ZNF8: variants seen among roughly 807,000 people sequenced by gnomAD.
The protein encoded by ZNF8 is zinc finger protein 272.
ZNF8 carries 9 observed loss-of-function variants against 12.2 expected under a neutral mutation model. That is an observed-to-expected ratio of 0.73 (90% CI 0.44 to 1.28). The LOEUF (loss-of-function observed/expected upper bound fraction) is 1.28. Ranked by LOEUF, ZNF8 falls within the 50% of genes most tolerant of loss-of-function variation. The pLI, the probability that ZNF8 is intolerant of heterozygous loss-of-function variation, is 0.00. For missense variants in ZNF8, 664 were observed against 729.1 expected (o/e 0.91, Z 1.03); for synonymous variants, 274 against 282.3 (o/e 0.97, Z 0.30).
Position 58,299,154 on chromosome 19 carries a change from C to T in ZNF8, c.*3618C>T, listed in dbSNP as rs2147963859. 6.6e-6 allele frequency: 1 copy of T among 151,054 alleles called. No individual in the cohort carries two copies. The highest frequency in any genetic ancestry group is 1.5e-5 in the Non-Finnish European group (1 of 67,900). The allele number at this position is 151,054 out of a possible 1,614,324, so 9.4% of individuals were successfully genotyped here. A position where few individuals can be genotyped will look rare whatever the true frequency, so the allele number is the denominator to read the frequency against. The stretch of plus-strand genomic sequence containing the variant: ...TTGAGACAGAGTCTCGCTGTGTCAC[C>T]CAGGCTGGAGTGCAGTGGTGCGATC... On this transcript the variant is annotated 3_prime_UTR_variant, in exon 4 of 4. Transcript: ENST00000621650.
intron 1 of ZNF8, among the ~76,000 whole-genome samples, chr19:58,282,888 A>G (rs1600452332): frequency 6.6e-6 from 1 of 152,170 alleles, no homozygotes; most frequent in East Asian, 1.9e-4. Context: ...TCAGCCTCCC[A>G]AAGTGCTGGG....
intron 3 of ZNF8, among the ~76,000 whole-genome samples, chr19:58,290,335 C>T (rs911508060): frequency 6.6e-6 from 1 of 150,802 alleles, no homozygotes; most frequent in Non-Finnish European, 1.5e-5. Flanking sequence ...AGGATGGTCT[C>T]TATCTCCTGA....
chr19:58,279,361 A>T, intron 1 of ZNF8: 1 of 1,463,842 alleles, frequency 6.8e-7, no homozygotes, highest in East Asian at 2.5e-5. Context: ...CCGAATGCGC[A>T]TGCTCCACGC....
intron 3 of ZNF8, chr19:58,286,606 C>G (rs2051384970): frequency 6.1e-6 from 1 of 163,150 alleles, no homozygotes; most frequent in South Asian, 1.7e-4. Context: ...AGGTTCCAGA[C>G]TACCAGGAGA....
At position 58,295,800 on chromosome 19, in the gene ZNF8, G is replaced by T; in HGVS notation, c.*264G>T. On this transcript the variant is annotated 3_prime_UTR_variant, in exon 4 of 4. Transcript: ENST00000621650. ...AATATAACCTACCCACCTGTGTAAT[G>T]TCAAAAAAAATCAATATGCGGCCCC... is the stretch of plus-strand genomic sequence containing the variant. 5.1e-6 allele frequency: 2 copies of T among 392,782 alleles called. No homozygotes were observed. The highest frequency in any genetic ancestry group is 9.1e-6 in the Non-Finnish European group (2 of 220,660). 24.3% of individuals were successfully genotyped at this position (392,782 alleles called of 1,614,324 possible).
Position 58,298,405 on chromosome 19 carries a change from A to C in ZNF8, c.*2869A>C, listed in dbSNP as rs545467014. ...AGTGGCACAATCTTGGCTCACTGCAACCTCCGCCTCCCGGGTTCAAGCAGT... is the reference window on the plus strand; with the variant it reads ...AGTGGCACAATCTTGGCTCACTGCACCCTCCGCCTCCCGGGTTCAAGCAGT... On this transcript the variant is annotated 3_prime_UTR_variant, in exon 4 of 4. Coordinates refer to ENST00000621650, the MANE Select transcript of ZNF8 (RefSeq NM_021089.3). 1 of 151,614 alleles carries C rather than the reference A, an allele frequency of 6.6e-6. No individual in the cohort carries two copies. Among genetic ancestry groups the C allele is most frequent in the Non-Finnish European group, 1.5e-5 (1 of 68,138 alleles). The allele number at this position is 151,614 out of a possible 1,614,324, so 9.4% of individuals were successfully genotyped here.
chr19:58,279,641 G>T (rs2051334184), intron 1 of ZNF8: 12 of 1,534,248 alleles, frequency 7.8e-6, no homozygotes, highest in Non-Finnish European at 1.0e-5. Context: ...ACAACCTCTT[G>T]GGGGCAATGA....
At chr19:58,290,391 G>A (rs1322189461) in intron 3 of ZNF8, among the ~76,000 whole-genome samples, 1 of 152,056 alleles carries the variant, frequency 6.6e-6, no homozygotes, top group Non-Finnish European at 1.5e-5. Context: ...TGGGATTACA[G>A]ACGTGAGCCA....
chr19:58,290,013 G>T (rs1250768569), intron 3 of ZNF8, among the ~76,000 whole-genome samples: 1 of 151,356 alleles, frequency 6.6e-6, no homozygotes, highest in African/African-American at 2.4e-5. Flanking sequence ...GGCCAGGATG[G>T]TCTCAATCTC....
chr19:58,292,457 T>TA (rs2051425546), intron 3 of ZNF8, among the ~76,000 whole-genome samples: 1 of 152,262 alleles, frequency 6.6e-6, no homozygotes, highest in Non-Finnish European at 1.5e-5. Flanking sequence ...ATCTCATTCT[T>TA]AAAGGCCCCA....
intron 3 of ZNF8, among the ~76,000 whole-genome samples, chr19:58,292,748 G>A (rs759690076): frequency 3.9e-5 from 6 of 152,176 alleles, no homozygotes; most frequent in Non-Finnish European, 8.8e-5. Context: ...GCGTATGTCA[G>A]TACTTTGTTC....
chr19:58,279,663 G>C (rs1209223596), intron 1 of ZNF8: 1 of 1,533,310 alleles, frequency 6.5e-7, no homozygotes, highest in Admixed American at 2.0e-5. Flanking sequence ...GGGTCACCAC[G>C]CACTGAGTGT....
chr19:58,282,568 G>C (rs980882387), intron 1 of ZNF8, among the ~76,000 whole-genome samples: 1 of 152,106 alleles, frequency 6.6e-6, no homozygotes, highest in African/African-American at 2.4e-5. Context: ...AGGTTACAAA[G>C]ATTTATCTCT....
In ZNF8 at chr19:58,302,665, A is replaced by G. The variant is rs546533458; in HGVS notation, c.*7129A>G. On this transcript the variant is annotated 3_prime_UTR_variant, in exon 4 of 4. Coordinates refer to ENST00000621650, the MANE Select transcript of ZNF8 (RefSeq NM_021089.3). Reference sequence around the variant, plus strand: ...AAGGGGGCATTGGAGGGGTTCTTATACATTTACAGTGGGAATGTGAATTGA... The same window carrying G: ...AAGGGGGCATTGGAGGGGTTCTTATGCATTTACAGTGGGAATGTGAATTGA... The G allele has an allele frequency of 6.6e-6, 1 of 152,334 alleles. No individual in the cohort carries two copies. The highest frequency in any genetic ancestry group is 1.9e-4 in the East Asian group (1 of 5,188). The allele number at this position is 152,334 out of a possible 1,614,324, so 9.4% of individuals were successfully genotyped here. A position where few individuals can be genotyped will look rare whatever the true frequency, so the allele number is the denominator to read the frequency against.
chr19:58,279,605 C>T, intron 1 of ZNF8: 1 of 1,533,956 alleles, frequency 6.5e-7, no homozygotes, highest in Admixed American at 2.0e-5. Flanking sequence ...CCCAGCACCG[C>T]GGAGCCCCTG....
chr19:58,279,710 T>G, intron 1 of ZNF8: 1 of 1,523,120 alleles, frequency 6.6e-7, no homozygotes, highest in Non-Finnish European at 8.8e-7. Flanking sequence ...CCTGCGAGAC[T>G]GTGGGAGAAC....
intron 1 of ZNF8, chr19:58,279,615 G>T (rs1048278060): frequency 1.3e-6 from 2 of 1,534,156 alleles, no homozygotes; most frequent in Non-Finnish European, 1.7e-6. Flanking sequence ...CGGAGCCCCT[G>T]CCCTGGGGCT....
chr19:58,286,277 A>G (rs914428593), intron 3 of ZNF8, 72 bp downstream of exon 3: 20 of 1,403,390 alleles, frequency 1.4e-5, no homozygotes, highest in South Asian at 9.6e-5. Context: ...CTTCATGGAA[A>G]GGGTGGTGGT....
chr19:58,279,733 C>A, intron 1 of ZNF8: 18 of 1,516,048 alleles, frequency 1.2e-5, no homozygotes, highest in Non-Finnish European at 1.6e-5. Context: ...CAGTGCAGGG[C>A]GGTCAGTGTT....
Sources: allele counts gnomAD v4.1 joint callset (sites outside exome capture counted in the v4.1 genomes callset), GRCh38; gene constraint gnomAD v4.1.1; transcripts MANE v1.5; gene names NCBI Gene and HGNC (gene_info 2026-07-23, HGNC 2026-07-21).